TTLL11: variants seen among roughly 807,000 people sequenced by gnomAD.
The protein encoded by TTLL11 is tubulin polyglutamylase TTLL11.
A neutral mutation model predicts 51.7 loss-of-function variants in TTLL11; 42 were observed. The observed-to-expected ratio is 0.81, with a 90% CI of 0.64 to 1.05. The LOEUF (loss-of-function observed/expected upper bound fraction) is 1.05. TTLL11 is among the 50% of genes least tolerant of loss of function. TTLL11 has a pLI of 0.00. For synonymous variants in TTLL11, 381 were observed against 383.5 expected (o/e 0.99, Z 0.08); for missense variants, 799 against 940.4 (o/e 0.85, Z 1.97).
At chr9:121,945,928 C>T (rs1841644347) in intron 6 of TTLL11, among the ~76,000 whole-genome samples, 2 of 152,072 alleles carry the variant, frequency 1.3e-5, no homozygotes, top group African/African-American at 4.8e-5. Context: ...AAGATAGAAT[C>T]GCCTCCCATC....
chr9:122,056,625 G>T (rs1208328856), intron 1 of TTLL11, among the ~76,000 whole-genome samples: 1 of 152,120 alleles, frequency 6.6e-6, no homozygotes, highest in African/African-American at 2.4e-5. Context: ...TGATGATGGG[G>T]TGTGTACTGA....
chr9:121,918,176 A>G (rs1381484374), intron 6 of TTLL11, among the ~76,000 whole-genome samples: 1 of 152,202 alleles, frequency 6.6e-6, no homozygotes, highest in African/African-American at 2.4e-5. Context: ...GAGAGGAATC[A>G]GTCTGTGGAT....
intron 8 of TTLL11, among the ~76,000 whole-genome samples, chr9:121,835,524 C>T (rs1426964840): frequency 6.6e-6 from 1 of 152,168 alleles, no homozygotes; most frequent in Non-Finnish European, 1.5e-5. Flanking sequence ...ATTACGGCAA[C>T]AAGAAGTCAC....
chr9:121,850,834 G>A (rs879565242), intron 8 of TTLL11, among the ~76,000 whole-genome samples: 17 of 152,092 alleles, frequency 1.1e-4, no homozygotes, highest in Non-Finnish European at 2.1e-4. Flanking sequence ...CAACCATCAC[G>A]TCCTTGGTAA....
intron 1 of TTLL11, among the ~76,000 whole-genome samples, chr9:122,068,171 C>G (rs566208978): frequency 6.6e-6 from 1 of 151,950 alleles, no homozygotes; most frequent in South Asian, 2.1e-4. Flanking sequence ...CAATATATAA[C>G]GATACAAAAC....
chr9:121,961,587 A>G (rs1163210865), intron 6 of TTLL11, among the ~76,000 whole-genome samples: 1 of 152,142 alleles, frequency 6.6e-6, no homozygotes, highest in Admixed American at 6.5e-5. Context: ...CTGCTGCCCC[A>G]GGGACTCTCT....
At chr9:121,946,034 T>C (rs1841649376) in intron 6 of TTLL11, among the ~76,000 whole-genome samples, 1 of 152,234 alleles carries the variant, frequency 6.6e-6, no homozygotes, top group Non-Finnish European at 1.5e-5. Context: ...TCCGATGTGG[T>C]TCTGAGCCTT....
At chr9:121,869,128 C>G (rs4372075) in intron 7 of TTLL11, among the ~76,000 whole-genome samples, 66,583 of 152,118 alleles carry the variant, frequency 0.44, 15,874 homozygotes, top group East Asian at 0.85. Context: ...TTCCCTCCCC[C>G]ACCCTGCCCT....
chr9:121,935,293 A>G (rs1395343664), intron 6 of TTLL11, among the ~76,000 whole-genome samples: 1 of 152,082 alleles, frequency 6.6e-6, no homozygotes, highest in Non-Finnish European at 1.5e-5. Context: ...CAGCAGTTTT[A>G]CTCATCACTG....
intron 6 of TTLL11, among the ~76,000 whole-genome samples, chr9:121,892,497 C>T (rs1226815314): frequency 1.3e-5 from 2 of 152,098 alleles, no homozygotes; most frequent in East Asian, 3.9e-4. Context: ...TTATTCACTA[C>T]CACAAGAACT....
At position 121,816,255 on chromosome 9, in the gene TTLL11, A is replaced by G. The variant is rs1472952932; in HGVS notation, c.*6332T>C. 1.3e-5 allele frequency: 2 copies of G among 152,202 alleles called. No individual in the cohort carries two copies. Among genetic ancestry groups the G allele is most frequent in the African/African-American group, 2.4e-5 (1 of 41,440 alleles). The allele number at this position is 152,202 out of a possible 1,614,324, so 9.4% of individuals were successfully genotyped here. A position where few individuals can be genotyped will look rare whatever the true frequency, so the allele number is the denominator to read the frequency against. Reference sequence around the variant, plus strand: ...CCCTCGCTTTCCCCATTCTGATGCAACAGGTTCTGAAGGGAAAATATCCCT... The same window carrying G: ...CCCTCGCTTTCCCCATTCTGATGCAGCAGGTTCTGAAGGGAAAATATCCCT... On this transcript the variant is annotated 3_prime_UTR_variant, in exon 9 of 9. Coordinates refer to ENST00000321582, the MANE Select transcript of TTLL11 (RefSeq NM_001139442.2).
Position 122,031,455 on chromosome 9 carries a change from G to A in TTLL11, c.693+268C>T, listed in dbSNP as rs537730314. 1.5e-3 allele frequency among the ~76,000 whole-genome samples: 223 copies of A among 152,212 alleles called. 1 individual carries two copies. The highest frequency in any genetic ancestry group is 5.0e-3 in the African/African-American group (206 of 41,528). ...GGCTCCAGCTCCCTGGCTCCCCAGC[G>A]TCCTGACTCCATGATCCAGTTTTGA... On this transcript the variant is annotated intron_variant, in intron 3 of 8. Transcript: ENST00000321582.
At position 122,063,208 on chromosome 9, in the gene TTLL11, C is replaced by A. The variant is rs183354422; in HGVS notation, c.463-23840G>T. Among the ~76,000 whole-genome samples the A allele has an allele frequency of 3.5e-3, 537 of 152,184 alleles. 9 individuals carry two copies. The highest frequency in any genetic ancestry group is 3.3e-3 in the Non-Finnish European group (224 of 67,994). On this transcript the variant is annotated intron_variant, in intron 1 of 8. Transcript: ENST00000321582. ...AGCCATTTTACATACTTTTGGGGAA[C>A]AAAATAGGCATAAATACATATTAAA... is the stretch of plus-strand genomic sequence containing the variant.
intron 8 of TTLL11, among the ~76,000 whole-genome samples, chr9:121,839,538 T>C (rs1157102719): frequency 2.0e-5 from 3 of 152,198 alleles, no homozygotes; most frequent in African/African-American, 4.8e-5. Flanking sequence ...GTCTGGCACA[T>C]GGAAGACACA....
At chr9:122,037,382 T>G (rs754591489) in intron 2 of TTLL11, among the ~76,000 whole-genome samples, 4 of 152,210 alleles carry the variant, frequency 2.6e-5, no homozygotes, top group Non-Finnish European at 5.9e-5. Flanking sequence ...CCTTTCTCCT[T>G]CTCTAAGGAT....
intron 6 of TTLL11, among the ~76,000 whole-genome samples, chr9:121,883,629 C>T (rs1316248070): frequency 1.3e-5 from 2 of 152,166 alleles, no homozygotes; most frequent in East Asian, 1.9e-4. Flanking sequence ...AATTTGAATT[C>T]CCTGAACATA....
At chr9:122,038,106 CT>C (rs1844752227) in intron 2 of TTLL11, among the ~76,000 whole-genome samples, 1 of 151,986 alleles carries the variant, frequency 6.6e-6, no homozygotes, top group South Asian at 2.1e-4. Context: ...AGTAAACTTG[CT>C]TAAGGTTTGG....
chr9:121,906,325 C>G (rs1839944135), intron 6 of TTLL11, among the ~76,000 whole-genome samples: 1 of 138,466 alleles, frequency 7.2e-6, no homozygotes, highest in Non-Finnish European at 1.6e-5. Context: ...CTGCTCAGAT[C>G]CATTTATGTA....
At chr9:121,892,286 G>C (rs1794768828) in intron 6 of TTLL11, among the ~76,000 whole-genome samples, 1 of 151,404 alleles carries the variant, frequency 6.6e-6, no homozygotes, top group South Asian at 2.1e-4. Context: ...CTGGGAAACT[G>C]TGTTAGTCCA....
Sources: gnomAD v4.1 joint callset for allele counts (sites outside exome capture counted in the v4.1 genomes callset) on GRCh38, gnomAD v4.1.1 for gene constraint, MANE v1.5 for transcripts, NCBI Gene and HGNC (gene_info 2026-07-23, HGNC 2026-07-21) for gene names.